DENND2B: variants seen among roughly 807,000 people sequenced by gnomAD.
DENND2B encodes DENN domain-containing protein 2B.
Under a neutral mutation model 116.0 loss-of-function variants are expected in DENND2B, and 32 were observed. The ratio of observed to expected loss-of-function variants is 0.28; its 90% CI spans 0.21 to 0.37. The LOEUF (loss-of-function observed/expected upper bound fraction) is 0.37. Among genes scored for constraint, DENND2B ranks in the 10% least tolerant of loss-of-function variants. The probability of loss-of-function intolerance (pLI) is 1.00; values close to 1 mark genes in which losing one functional copy is unlikely to be tolerated. For synonymous variants in DENND2B, 588 were observed against 583.9 expected (o/e 1.01, Z -0.10); for missense variants, 1,276 against 1,477.7 (o/e 0.86, Z 2.24).
intron 1 of DENND2B, among the ~76,000 whole-genome samples, chr11:8,769,246 T>TC (rs906428364): frequency 6.6e-6 from 1 of 151,346 alleles, no homozygotes; most frequent in African/African-American, 2.4e-5. Flanking sequence ...CTTCTTTTTT[T>TC]TTTTTTTTGA....
At chr11:8,840,168 C>T (rs1414732222) in intron 3 of DENND2B, among the ~76,000 whole-genome samples, 1 of 151,980 alleles carries the variant, frequency 6.6e-6, no homozygotes, top group Admixed American at 6.6e-5. Context: ...GCATGCCCTT[C>T]TCCAGAGAGG....
intron 1 of DENND2B, among the ~76,000 whole-genome samples, chr11:8,777,774 G>A (rs1247897321): frequency 6.6e-6 from 1 of 152,174 alleles, no homozygotes; most frequent in African/African-American, 2.4e-5. Context: ...AAAAAAAAGA[G>A]AGAACACCTA....
intron 4 of DENND2B, among the ~76,000 whole-genome samples, chr11:8,722,615 CCAGAAT>C (rs1429165885): frequency 6.6e-6 from 1 of 152,194 alleles, no homozygotes. Context: ...AGGAAACCCA[CCAGAAT>C]CTAACAGAAA....
chr11:8,853,294 T>C (rs1455156327), intron 3 of DENND2B, among the ~76,000 whole-genome samples: 3 of 151,798 alleles, frequency 2.0e-5, no homozygotes, highest in African/African-American at 7.3e-5. Flanking sequence ...ACTCGGGAGG[T>C]GGAGGTTGCA....
intron 4 of DENND2B, among the ~76,000 whole-genome samples, chr11:8,821,132 A>AT (rs1032368649): frequency 6.6e-6 from 1 of 151,230 alleles, no homozygotes; most frequent in African/African-American, 2.4e-5. Context: ...AAAAAAAAAA[A>AT]AATTAATTAA....
chr11:8,727,086 C>T (rs868328424), intron 3 of DENND2B, among the ~76,000 whole-genome samples: 4 of 152,258 alleles, frequency 2.6e-5, no homozygotes, highest in South Asian at 2.1e-4. Context: ...GAGAGAGGTA[C>T]GTCCCTCATC....
In DENND2B at chr11:8,712,420, C is replaced by T. The variant is rs969456048; in HGVS notation, c.2172+131G>A. The T allele has an allele frequency of 9.5e-6, 10 of 1,051,254 alleles. No homozygotes were observed. The African/African-American group carries it at 9.6e-5, about 10-fold the overall frequency. The allele number at this position is 1,051,254 out of a possible 1,614,324, so 65.1% of individuals were successfully genotyped here. On this transcript the variant is annotated intron_variant, in intron 9 of 19. Transcript: ENST00000313726. This position sits in a 1 kb window ranked among gnomAD's most constrained non-coding sequence, Gnocchi z 4.4. ...GTCTTCCCTCCTGGCTGAGAGGAGG[C>T]AGGTTCAGGGCTGTGGCAGCTCGGT...
chr11:8,719,168 A>C, intron 4 of DENND2B: 11 of 985,530 alleles, frequency 1.1e-5, no homozygotes, highest in Non-Finnish European at 1.3e-5. Flanking sequence ...ACGAGGAACA[A>C]AGGCTGCTGA....
At chr11:8,797,544 C>CCTCTT (rs527495751) in intron 1 of DENND2B, among the ~76,000 whole-genome samples, 7 of 144,436 alleles carry the variant, frequency 4.8e-5, no homozygotes, top group Admixed American at 1.4e-4. Context: ...TTCCCCCTTT[C>CCTCTT]CTCTTCTCTT....
chr11:8,755,467 A>G (rs1249866012), intron 1 of DENND2B, among the ~76,000 whole-genome samples: 1 of 152,176 alleles, frequency 6.6e-6, no homozygotes, highest in Non-Finnish European at 1.5e-5. Context: ...TTGTGGTTTT[A>G]GTGATGGTGA....
chr11:8,882,491 T>G (rs1256690365), intron 1 of DENND2B, among the ~76,000 whole-genome samples: 2 of 152,218 alleles, frequency 1.3e-5, no homozygotes, highest in African/African-American at 4.8e-5. Flanking sequence ...TCTATCAGTA[T>G]AAGTTCCATC....
At chr11:8,779,285 G>A (rs1302916463) in intron 1 of DENND2B, among the ~76,000 whole-genome samples, 1 of 152,174 alleles carries the variant, frequency 6.6e-6, no homozygotes, top group Non-Finnish European at 1.5e-5. Context: ...ATGAGACTAT[G>A]ACTCAAGGTC....
chr11:8,873,401 GA>G (rs1278372113), upstream of DENND2B, among the ~76,000 whole-genome samples: 2 of 152,048 alleles, frequency 1.3e-5, no homozygotes, highest in African/African-American at 4.8e-5. Flanking sequence ...TAATTCTTAG[GA>G]AAAAAACTTC....
At position 8,715,546 on chromosome 11, in the gene DENND2B, C is replaced by A. The variant is rs1178950952; in HGVS notation, c.1845+57G>T. On this transcript the variant is annotated intron_variant, in intron 6 of 19. Coordinates refer to ENST00000313726, the MANE Select transcript of DENND2B (RefSeq NM_213618.2). ...GGAAGCCAGGAAAGAGAGAGAAAGG[C>A]TGGCTGCCTGCCCGCCCACCTGCCC... 8.3e-6 allele frequency: 13 copies of A among 1,565,772 alleles called. No homozygotes were observed. The African/African-American group carries it at 1.3e-4, about 16-fold the overall frequency.
intron 3 of DENND2B, 131 bp from the exon 4 acceptor site, chr11:8,726,340 G>C: frequency 8.1e-7 from 1 of 1,240,810 alleles, no homozygotes; most frequent in Non-Finnish European, 1.1e-6. Flanking sequence ...GCATCAAGGT[G>C]GGTCCAAACT....
At chr11:8,759,519 T>G (rs759346253) in intron 1 of DENND2B, among the ~76,000 whole-genome samples, 1 of 152,166 alleles carries the variant, frequency 6.6e-6, no homozygotes, top group African/African-American at 2.4e-5. Flanking sequence ...ACATCTATGT[T>G]CCACTACTCT....
chr11:8,820,744 C>CA (rs2061729521), intron 4 of DENND2B, among the ~76,000 whole-genome samples: 1 of 152,162 alleles, frequency 6.6e-6, no homozygotes, highest in Non-Finnish European at 1.5e-5. Context: ...TAGAGCCCCA[C>CA]TAAACTGATT....
At chr11:8,801,689 A>AAAAAAAAAAAGAAAG in intron 1 of DENND2B, among the ~76,000 whole-genome samples, 1 of 117,700 alleles carries the variant, frequency 8.5e-6, no homozygotes, top group Admixed American at 9.4e-5. Context: ...AAAAAAAAAA[A>AAAAAAAAAAAGAAAG]AAAGAAAGAA....
At chr11:8,776,111 C>T (rs1474188630) in intron 1 of DENND2B, 2 of 428,034 alleles carry the variant, frequency 4.7e-6, no homozygotes, top group Admixed American at 2.5e-5. Context: ...CAGAGATACA[C>T]AGACTTGCAC....
Sources: allele counts gnomAD v4.1 joint callset (sites outside exome capture counted in the v4.1 genomes callset), GRCh38; gene constraint gnomAD v4.1.1; non-coding constraint Gnocchi (gnomAD v3.1); transcripts MANE v1.5; gene names NCBI Gene and HGNC (gene_info 2026-07-23, HGNC 2026-07-21).